Variants in BMP1 observed in about 807,000 individuals in gnomAD.
The protein encoded by BMP1 is bone morphogenetic protein 1.
In BMP1, 63 loss-of-function variants were observed where a neutral mutation model predicts 116.8. That is an observed-to-expected ratio of 0.54 (90% CI 0.44 to 0.67). The LOEUF (loss-of-function observed/expected upper bound fraction) is 0.67, where lower values mean the gene tolerates loss of function less well. Ranked by LOEUF, BMP1 falls within the 30% of genes least tolerant of loss-of-function variation. BMP1 has a pLI of 0.00. For synonymous variants in BMP1, 536 were observed against 533.4 expected, an observed-to-expected ratio of 1.00 and a Z score of -0.07; for missense variants, 1,183 against 1,358.9, an observed-to-expected ratio of 0.87 and a Z score of 2.04.
At position 22,207,525 on chromosome 8, in the gene BMP1, C is replaced by T. The variant is rs1292456404; in HGVS notation, c.2575+9C>T. 3 of 1,611,820 alleles carry T rather than the reference C, an allele frequency of 1.9e-6. No individual in the cohort carries two copies. Among genetic ancestry groups the T allele is most frequent in the Non-Finnish European group, 2.5e-6 (3 of 1,179,174 alleles). On this transcript the variant is annotated intron_variant, in intron 18 of 19. Transcript: ENST00000306385. The stretch of plus-strand genomic sequence containing the variant: ...GGCCTCCCACGCCACAGGTACTGTC[C>T]CCGGTTGTGGGAGTGTTCACTGAGC...
At chr8:22,201,773 C>A (rs1035247324) in intron 15 of BMP1, 30 bp from the exon 16 acceptor site, 6 of 1,610,866 alleles carry the variant, frequency 3.7e-6, no homozygotes, top group Non-Finnish European at 5.1e-6. Flanking sequence ...TGCACAGACC[C>A]AGCGTCTGCC....
intron 16 of BMP1, among the ~76,000 whole-genome samples, chr8:22,204,896 G>A (rs560839179): frequency 6.6e-6 from 1 of 152,300 alleles, no homozygotes; most frequent in South Asian, 2.1e-4. Flanking sequence ...TAGCTGGAGG[G>A]GCCTGGGAGA....
chr8:22,202,069 T>A, intron 16 of BMP1, 141 bp downstream of exon 16: 1 of 1,270,858 alleles, frequency 7.9e-7, no homozygotes, highest in South Asian at 1.6e-5. Context: ...CCCACCCACC[T>A]GGTACATAGA....
chr8:22,183,054 C>T (rs1047837339), intron 8 of BMP1, among the ~76,000 whole-genome samples: 1 of 152,202 alleles, frequency 6.6e-6, no homozygotes, highest in African/African-American at 2.4e-5. Context: ...TGGCTTCTCT[C>T]TTGGTTGATA....
Position 22,196,784 on chromosome 8 carries a change from C to A in BMP1, c.1870C>A (p.Pro624Thr). The A allele has an allele frequency of 1.2e-6, 2 of 1,614,086 alleles. No individual in the cohort carries two copies. The highest frequency in any genetic ancestry group is 1.7e-6 in the Non-Finnish European group (2 of 1,180,006). Reference sequence around the variant, plus strand: ...GAACTGCATCTGGCAGCTGGTGGCCCCCACCCAGTACCGCATCTCCCTGCA... The same window carrying A: ...GAACTGCATCTGGCAGCTGGTGGCCACCACCCAGTACCGCATCTCCCTGCA... ...NKNCIWQLVA[P>T]TQYRISLQFD... Residue 624 changes from proline to threonine, a missense_variant, in exon 14 of 20, where the codon CCC becomes ACC. Physicochemically the swap from Pro to Thr is conservative, Grantham distance 38 (BLOSUM62 -1). Transcript: ENST00000306385.
chr8:22,180,222 A>G, intron 7 of BMP1, 146 bp from the exon 8 acceptor site: 3 of 695,642 alleles, frequency 4.3e-6, no homozygotes, highest in South Asian at 1.7e-5. Context: ...GGTGGATCTT[A>G]TAGGGGCAGG....
chr8:22,187,688 A>G (rs1828816009), intron 8 of BMP1, among the ~76,000 whole-genome samples: 1 of 151,858 alleles, frequency 6.6e-6, no homozygotes, highest in Admixed American at 6.6e-5. Context: ...ATCCTGGTCC[A>G]CTTCCCCAGG....
At position 22,194,751 on chromosome 8, in the gene BMP1, G is replaced by A. The variant is rs142036584; in HGVS notation, c.1471G>A (p.Asp491Asn). ...TGAGCGCCACGACAGCTGTGCCTAC[G>A]ACTATCTGGAGGTGCGCGACGGGCA... The part of the protein sequence containing the change: ...EIERHDSCAY[D>N]YLEVRDGHSE... The change falls in exon 12 of 20, where the codon GAC (aspartate) becomes AAC (asparagine). Residue 491 changes from aspartate to asparagine, a missense_variant. Asp to Asn is a conservative substitution (Grantham distance 23). This residue lies in a region of BMP1 where 956 missense variants were observed against 1,135.2 expected (regional missense o/e 0.84). Transcript: ENST00000306385. This position sits in a 1 kb window ranked among gnomAD's most constrained non-coding sequence, Gnocchi z 4.5. 10 of 1,611,410 alleles carry A rather than the reference G, an allele frequency of 6.2e-6. No homozygotes were observed. Among genetic ancestry groups the A allele is most frequent in the South Asian group, 2.2e-5 (2 of 90,732 alleles).
intron 5 of BMP1, 85 bp from the exon 6 acceptor site, chr8:22,177,767 A>T (rs1563245478): frequency 2.8e-6 from 3 of 1,059,630 alleles, no homozygotes; most frequent in Non-Finnish European, 4.4e-6. Context: ...GAAGGACTCC[A>T]TTCCCTGCCC....
rs1828442880 is a variant in BMP1, at chr8:22,176,602, A to C, written c.503A>C (p.Glu168Ala). Residue 168 changes from glutamate (E) to alanine (A), a missense_variant, in exon 4 of 20, where the codon GAG (glutamate) becomes GCG (alanine). Coordinates refer to ENST00000306385, the MANE Select transcript of BMP1 (RefSeq NM_006129.5). Reference sequence around the variant, plus strand: ...AAGCACACCTGTGTCACCTTCCTGGAGCGCACTGACGAGGACAGCTATATT... The same window carrying C: ...AAGCACACCTGTGTCACCTTCCTGGCGCGCACTGACGAGGACAGCTATATT... ...WEKHTCVTFL[E>A]RTDEDSYIVF... The C allele has an allele frequency of 6.2e-7, 1 of 1,614,170 alleles. No homozygotes were observed. Among genetic ancestry groups the C allele is most frequent in the Non-Finnish European group, 8.5e-7 (1 of 1,180,008 alleles).
intron 8 of BMP1, among the ~76,000 whole-genome samples, chr8:22,189,403 G>A (rs928779470): frequency 2.7e-5 from 4 of 146,966 alleles, no homozygotes; most frequent in African/African-American, 5.1e-5. Flanking sequence ...TAATTATTCA[G>A]TTGCCCCCTG....
intron 2 of BMP1, among the ~76,000 whole-genome samples, chr8:22,175,854 A>G (rs1056202185): frequency 1.3e-5 from 2 of 152,162 alleles, no homozygotes; most frequent in Admixed American, 6.5e-5. Context: ...CTAGACCTCA[A>G]AAAGGACACT....
At chr8:22,208,720 G>A (rs1586476154) in intron 18 of BMP1, among the ~76,000 whole-genome samples, 1 of 152,210 alleles carries the variant, frequency 6.6e-6, no homozygotes, top group South Asian at 2.1e-4. Flanking sequence ...AGGATGCCAC[G>A]AGGGAGCTTT....
intron 18 of BMP1, among the ~76,000 whole-genome samples, chr8:22,207,726 G>A (rs1356925435): frequency 6.6e-6 from 1 of 152,214 alleles, no homozygotes; most frequent in East Asian, 1.9e-4. Flanking sequence ...TGGCAGTGAT[G>A]ACGATGGACA....
chr8:22,177,813 C>T (rs755102285), intron 5 of BMP1, 39 bp from the exon 6 acceptor site: 38 of 1,480,556 alleles, frequency 2.6e-5, no homozygotes, highest in Non-Finnish European at 3.5e-5. Context: ...CAGACCCACC[C>T]CCTCCTCTCC....
At chr8:22,166,231 C>G (rs1458055600) in intron 1 of BMP1, among the ~76,000 whole-genome samples, 7 of 151,782 alleles carry the variant, frequency 4.6e-5, no homozygotes, top group Non-Finnish European at 1.0e-4. Flanking sequence ...TCCCTATGTG[C>G]CCAGAGACCC....
intron 9 of BMP1, among the ~76,000 whole-genome samples, chr8:22,193,358 C>G (rs1463389096): frequency 6.6e-6 from 1 of 152,204 alleles, no homozygotes; most frequent in Non-Finnish European, 1.5e-5. Context: ...ATGTTTATTT[C>G]TGATTATATT....
chr8:22,191,361 A>T (rs1449210895), intron 8 of BMP1, among the ~76,000 whole-genome samples: 2 of 152,170 alleles, frequency 1.3e-5, no homozygotes, highest in Non-Finnish European at 2.9e-5. Flanking sequence ...CTAAGCCTGG[A>T]GCTTCTTGAG....
At chr8:22,181,021 G>C (rs1414108124) in intron 8 of BMP1, among the ~76,000 whole-genome samples, 7 of 152,198 alleles carry the variant, frequency 4.6e-5, no homozygotes, top group African/African-American at 1.7e-4. Context: ...CTAGTCCTGG[G>C]AACAATTAAG....
Sources: gnomAD v4.1 joint callset for allele counts (sites outside exome capture counted in the v4.1 genomes callset) on GRCh38, gnomAD v4.1.1 for gene constraint, gnomAD v4.1.1 regional missense constraint, Gnocchi (gnomAD v3.1) non-coding constraint, MANE v1.5 for transcripts, NCBI Gene and HGNC (gene_info 2026-07-23, HGNC 2026-07-21) for gene names.